Variants in CACNA2D3 observed in about 807,000 individuals in gnomAD.
CACNA2D3 encodes voltage-dependent calcium channel subunit alpha-2/delta-3.
Under a neutral mutation model 160.6 loss-of-function variants are expected in CACNA2D3, and 60 were observed. The observed-to-expected ratio is 0.37, with a 90% confidence interval of 0.30 to 0.46. The LOEUF (loss-of-function observed/expected upper bound fraction) is 0.46, where lower values mean the gene tolerates loss of function less well. CACNA2D3 is among the 20% of genes least tolerant of loss of function. The pLI, the probability that CACNA2D3 is intolerant of heterozygous loss-of-function variation, is 1.00. For missense variants in CACNA2D3, 1,205 were observed against 1,365.0 expected, an observed-to-expected ratio of 0.88 and a Z score of 1.85; for synonymous variants, 558 against 492.9, an observed-to-expected ratio of 1.13 and a Z score of -1.75.
At chr3:54,917,495 C>T (rs574531042) in intron 27 of CACNA2D3, among the ~76,000 whole-genome samples, 40 of 152,344 alleles carry the variant, frequency 2.6e-4, no homozygotes, top group African/African-American at 7.0e-4. Context: ...CACCCTGACA[C>T]GGCTGCATTT....
At position 54,757,743 on chromosome 3, in the gene CACNA2D3, C is replaced by T. The variant is rs1207227403; in HGVS notation, c.1246+5066C>T. ...CATCTGTGCATTACCTCTTTTGATC[C>T]TCCCAAAGGCTCTATGAGGTACTGT... On this transcript the variant is annotated intron_variant, in intron 12 of 37. Transcript: ENST00000474759. 6.6e-5 allele frequency among the ~76,000 whole-genome samples: 10 copies of T among 152,144 alleles called. No individual in the cohort carries two copies. In the East Asian group the frequency reaches 1.9e-3, roughly 29 times the overall value.
intron 13 of CACNA2D3, among the ~76,000 whole-genome samples, chr3:54,815,194 A>G (rs1409417506): frequency 6.6e-6 from 1 of 152,220 alleles, no homozygotes; most frequent in African/African-American, 2.4e-5. Context: ...AGCCATAAGT[A>G]GGAGGAACAA....
intron 35 of CACNA2D3, among the ~76,000 whole-genome samples, chr3:55,069,934 A>G (rs1397444534): frequency 2.0e-5 from 3 of 152,210 alleles, no homozygotes; most frequent in Admixed American, 1.3e-4. Flanking sequence ...CTTGATCATG[A>G]GTGCCAAAGT....
intron 13 of CACNA2D3, among the ~76,000 whole-genome samples, chr3:54,788,902 G>T (rs1415096058): frequency 6.6e-6 from 1 of 152,094 alleles, no homozygotes; most frequent in African/African-American, 2.4e-5. Flanking sequence ...TATTTCTCCA[G>T]AAATTCTTAG....
At chr3:54,668,371 G>A (rs1252327906) in intron 11 of CACNA2D3, among the ~76,000 whole-genome samples, 1 of 152,170 alleles carries the variant, frequency 6.6e-6, no homozygotes, top group African/African-American at 2.4e-5. Context: ...CAGGAGTGCT[G>A]CTGGAGCTAG....
chr3:54,642,911 C>G (rs1015464041), intron 11 of CACNA2D3, among the ~76,000 whole-genome samples: 1 of 152,098 alleles, frequency 6.6e-6, no homozygotes, highest in African/African-American at 2.4e-5. Context: ...GTATCCTACC[C>G]CACCCCTCCA....
At chr3:54,674,414 T>C (rs1297779879) in intron 11 of CACNA2D3, among the ~76,000 whole-genome samples, 1 of 152,136 alleles carries the variant, frequency 6.6e-6, no homozygotes, top group African/African-American at 2.4e-5. Flanking sequence ...GAAACAGGTA[T>C]AATTGTTGCC....
intron 9 of CACNA2D3, among the ~76,000 whole-genome samples, chr3:54,595,329 T>G (rs367778790): frequency 0.2 from 29,504 of 147,358 alleles, 3,183 homozygotes; most frequent in Middle Eastern, 0.28. Context: ...TGTGTGTGTG[T>G]GTGTGTGTGT....
At chr3:54,311,453 C>G (rs572932951) in intron 2 of CACNA2D3, among the ~76,000 whole-genome samples, 57 of 152,336 alleles carry the variant, frequency 3.7e-4, no homozygotes, top group Non-Finnish European at 6.8e-4. Context: ...ATAGGCATCC[C>G]CTTTTCTGGG....
intron 2 of CACNA2D3, among the ~76,000 whole-genome samples, chr3:54,269,443 G>A (rs1404001591): frequency 6.6e-6 from 1 of 152,168 alleles, no homozygotes; most frequent in African/African-American, 2.4e-5. Flanking sequence ...ATAAAGAAAA[G>A]AGCACTTACT....
chr3:54,280,182 C>T (rs1016129681), intron 2 of CACNA2D3, among the ~76,000 whole-genome samples: 3 of 152,106 alleles, frequency 2.0e-5, no homozygotes, highest in Non-Finnish European at 2.9e-5. Context: ...CCTGGGTTCA[C>T]GCCATTCTCC....
chr3:54,514,006 C>T (rs542269653), intron 5 of CACNA2D3, among the ~76,000 whole-genome samples: 19 of 152,310 alleles, frequency 1.2e-4, no homozygotes, highest in Non-Finnish European at 2.6e-4. Flanking sequence ...TTTATATGTG[C>T]GGCAAATGGA....
At chr3:54,992,415 T>G (rs1198445251) in intron 31 of CACNA2D3, among the ~76,000 whole-genome samples, 1 of 152,112 alleles carries the variant, frequency 6.6e-6, no homozygotes, top group Non-Finnish European at 1.5e-5. Flanking sequence ...GGCACTCAGC[T>G]TCCTTCCTGG....
Position 54,578,851 on chromosome 3 carries a change from A to G in CACNA2D3, c.889-2952A>G, listed in dbSNP as rs144093882. Reference sequence around the variant, plus strand: ...AATCCCCTCTGGAGCCCCCACAAGTATAGACTTTTATATTAGCAAGGCAGT... The same window carrying G: ...AATCCCCTCTGGAGCCCCCACAAGTGTAGACTTTTATATTAGCAAGGCAGT... On this transcript the variant is annotated intron_variant, in intron 8 of 37. Transcript: ENST00000474759. Among the ~76,000 whole-genome samples, 71 of 152,304 alleles carry G rather than the reference A, an allele frequency of 4.7e-4. No homozygotes were observed. In the East Asian group the frequency reaches 6.8e-3, roughly 15 times the overall value.
Position 55,074,369 on chromosome 3 carries a change from G to A in CACNA2D3, c.*163G>A. The A allele has an allele frequency of 1.7e-6, 1 of 605,028 alleles. No homozygotes were observed. The highest frequency in any genetic ancestry group is 2.9e-6 in the Non-Finnish European group (1 of 341,562). The allele number at this position is 605,028 out of a possible 1,614,324, so 37.5% of individuals were successfully genotyped here. ...ACTGTGCGTGATATAAACTCTTAAA[G>A]ATATGTTGACAAAAAGTTATCTATC... On this transcript the variant is annotated 3_prime_UTR_variant, in exon 38 of 38. Coordinates refer to ENST00000474759, the MANE Select transcript of CACNA2D3 (RefSeq NM_018398.3).
intron 5 of CACNA2D3, among the ~76,000 whole-genome samples, chr3:54,522,730 T>C (rs1701663796): frequency 6.6e-6 from 1 of 152,056 alleles, no homozygotes; most frequent in Non-Finnish European, 1.5e-5. Context: ...CTTATTTCTG[T>C]TTTCAGGAAC....
intron 32 of CACNA2D3, among the ~76,000 whole-genome samples, chr3:55,006,552 T>G (rs960245315): frequency 1.3e-5 from 2 of 152,178 alleles, no homozygotes; most frequent in East Asian, 3.8e-4. Context: ...TTCAGGAAAC[T>G]GTTAAAAGTT....
chr3:54,316,282 T>G (rs1703861501), intron 2 of CACNA2D3, among the ~76,000 whole-genome samples: 1 of 152,226 alleles, frequency 6.6e-6, no homozygotes, highest in African/African-American at 2.4e-5. Context: ...AGGTACCTTT[T>G]CAGTAATTTT....
chr3:54,921,617 A>C (rs972670350), intron 27 of CACNA2D3, among the ~76,000 whole-genome samples: 1 of 152,142 alleles, frequency 6.6e-6, no homozygotes, highest in Non-Finnish European at 1.5e-5. Context: ...AATTCAATTA[A>C]TTGAATTAAT....
Sources: gnomAD v4.1 joint callset for allele counts (sites outside exome capture counted in the v4.1 genomes callset) on GRCh38, gnomAD v4.1.1 for gene constraint, MANE v1.5 for transcripts, NCBI Gene and HGNC (gene_info 2026-07-23, HGNC 2026-07-21) for gene names.